Variants in DNAH6 observed in about 807,000 individuals in gnomAD.
DNAH6 encodes axonemal beta dynein heavy chain 6.
Under a neutral mutation model 491.4 loss-of-function variants are expected in DNAH6, and 340 were observed. The ratio of observed to expected loss-of-function variants is 0.69; its 90% confidence interval spans 0.63 to 0.76. The LOEUF (loss-of-function observed/expected upper bound fraction) is 0.76. Among genes scored for constraint, DNAH6 ranks in the 30% least tolerant of loss-of-function variants. The pLI is 0.00. For synonymous variants in DNAH6, 1,603 were observed against 1,686.1 expected (o/e 0.95, Z 1.21); for missense variants, 4,443 against 4,972.2 (o/e 0.89, Z 3.20).
At chr2:84,683,415 T>A (rs1233461657) in intron 42 of DNAH6, among the ~76,000 whole-genome samples, 1 of 10,766 alleles carries the variant, frequency 9.3e-5, no homozygotes, top group African/African-American at 2.0e-4. Flanking sequence ...CACTCTTATT[T>A]TTTTTTTTTT....
Position 84,654,703 on chromosome 2 carries a change from G to C in DNAH6, c.5678G>C (p.Cys1893Ser). 6.4e-7 allele frequency: 1 copy of C among 1,551,238 alleles called. No individual in the cohort carries two copies. The highest frequency in any genetic ancestry group is 8.7e-7 in the Non-Finnish European group (1 of 1,146,446). Reference protein sequence around the residue: ...RVASPATVSRCGMVFVDPEEL... With the variant: ...RVASPATVSRSGMVFVDPEEL... ...GCCTCCCCTGCAACAGTCAGTCGAT[G>C]TGGAATGGTGTTTGTGGATCCTGAA... Residue 1893 changes from cysteine to serine, a missense_variant, in exon 35 of 77, where the codon TGT becomes TCT. This residue lies in a region of DNAH6 where 2,977 missense variants were observed against 3,296.6 expected (regional missense o/e 0.90). Transcript: ENST00000389394.
chr2:84,789,187 G>A (rs1300452711), intron 68 of DNAH6, among the ~76,000 whole-genome samples: 2 of 152,158 alleles, frequency 1.3e-5, no homozygotes, highest in Non-Finnish European at 2.9e-5. Flanking sequence ...CACAGCAGCA[G>A]GCCATCCACA....
intron 64 of DNAH6, among the ~76,000 whole-genome samples, chr2:84,767,520 T>C (rs1675198217): frequency 6.6e-6 from 1 of 151,382 alleles, no homozygotes; most frequent in South Asian, 2.1e-4. Flanking sequence ...AGTGAGATCC[T>C]GTGTCAAAAA....
At chr2:84,544,596 A>G in intron 5 of DNAH6, 96 bp downstream of exon 5, 1 of 708,298 alleles carries the variant, frequency 1.4e-6, no homozygotes, top group Admixed American at 3.0e-5. Context: ...TTGAAATCAA[A>G]TATTTTATAT....
chr2:84,721,728 A>G (rs1245030089), intron 59 of DNAH6, among the ~76,000 whole-genome samples: 1 of 152,212 alleles, frequency 6.6e-6, no homozygotes, highest in East Asian at 1.9e-4. Flanking sequence ...GGCTCACATT[A>G]TATTTCCATT....
At chr2:84,571,155 G>A (rs966277548) in intron 11 of DNAH6, among the ~76,000 whole-genome samples, 1 of 152,234 alleles carries the variant, frequency 6.6e-6, no homozygotes, top group African/African-American at 2.4e-5. Context: ...TTGAATGAGT[G>A]AGAAGAGAAA....
At chr2:84,763,236 A>G (rs551798061) in intron 64 of DNAH6, among the ~76,000 whole-genome samples, 2 of 152,346 alleles carry the variant, frequency 1.3e-5, no homozygotes, top group South Asian at 2.1e-4. Flanking sequence ...GGATTTTAAC[A>G]TAACCAAAAA....
intron 15 of DNAH6, among the ~76,000 whole-genome samples, chr2:84,586,779 G>A (rs1433750780): frequency 6.6e-6 from 1 of 152,196 alleles, no homozygotes; most frequent in African/African-American, 2.4e-5. Context: ...CTGGATTCAA[G>A]CGTAAGCAGT....
At chr2:84,689,024 T>G (rs985822690) in intron 45 of DNAH6, among the ~76,000 whole-genome samples, 5 of 152,234 alleles carry the variant, frequency 3.3e-5, no homozygotes, top group Non-Finnish European at 7.3e-5. Flanking sequence ...AAGTGTCCTA[T>G]GAGGGACAAC....
intron 2 of DNAH6, among the ~76,000 whole-genome samples, chr2:84,524,232 T>C (rs1286556915): frequency 2.6e-5 from 4 of 151,860 alleles, no homozygotes. Flanking sequence ...TAATTTTTGC[T>C]GGTTTAAAGT....
intron 70 of DNAH6, among the ~76,000 whole-genome samples, chr2:84,801,628 A>G (rs1255738221): frequency 1.3e-5 from 2 of 152,206 alleles, no homozygotes; most frequent in East Asian, 3.8e-4. Context: ...TCATGCCTGT[A>G]ATCCTAACAC....
the DNAH6 span, among the ~76,000 whole-genome samples, chr2:84,463,700 AG>A: frequency 6.6e-6 from 1 of 152,218 alleles, no homozygotes; most frequent in African/African-American, 2.4e-5. Flanking sequence ...GCTGGTGTGT[AG>A]AGTAGCAGCT....
chr2:84,540,218 T>C (rs1678112253), intron 4 of DNAH6, among the ~76,000 whole-genome samples: 2 of 152,100 alleles, frequency 1.3e-5, no homozygotes, highest in African/African-American at 4.8e-5. Flanking sequence ...AAGCATGGCC[T>C]AAAATGAATA....
At position 84,797,549 on chromosome 2, in the gene DNAH6, C is replaced by T. The variant is rs1433501459; in HGVS notation, c.11372C>T (p.Ala3791Val). 6.4e-7 allele frequency: 1 copy of T among 1,551,476 alleles called. No individual in the cohort carries two copies. The highest frequency in any genetic ancestry group is 8.7e-7 in the Non-Finnish European group (1 of 1,146,822). Residue 3791 changes from alanine (A) to valine (V), a missense_variant, in exon 70 of 77, where the codon GCA becomes GTA. Physicochemically the swap from Ala to Val is moderately conservative, Grantham distance 64. Around this residue, in one of 3 missense-constraint regions of DNAH6, gnomAD observed 1,463 missense variants for 1,656.6 expected, o/e 0.88. Coordinates refer to ENST00000389394, the MANE Select transcript of DNAH6 (RefSeq NM_001370.2). ...YKYSESGIYF[A>V]PMADSLQEFK... is the part of the protein sequence containing the mutation. ...TTTTTAATAACAGGCATCTATTTTGCACCCATGGCTGACAGCCTACAAGAG... is the reference window on the plus strand; with the variant it reads ...TTTTTAATAACAGGCATCTATTTTGTACCCATGGCTGACAGCCTACAAGAG...
At chr2:84,774,331 C>T (rs1675918895) in intron 64 of DNAH6, among the ~76,000 whole-genome samples, 1 of 151,988 alleles carries the variant, frequency 6.6e-6, no homozygotes, top group African/African-American at 2.4e-5. Context: ...ATCTTTTCCC[C>T]ATTGTTTATT....
At chr2:84,551,398 G>A (rs75920354) in intron 9 of DNAH6, among the ~76,000 whole-genome samples, 1 of 152,088 alleles carries the variant, frequency 6.6e-6, no homozygotes, top group Non-Finnish European at 1.5e-5. Flanking sequence ...CTTCAAAGGG[G>A]AAAAAAGATA....
chr2:84,477,012 G>A, the DNAH6 span, among the ~76,000 whole-genome samples: 56 of 152,130 alleles, frequency 3.7e-4, no homozygotes, highest in African/African-American at 1.3e-3. Flanking sequence ...GGTCTTTGTC[G>A]CCCCACGTTG....
chr2:84,585,818 A>G (rs1325085486), intron 15 of DNAH6, among the ~76,000 whole-genome samples: 1 of 152,106 alleles, frequency 6.6e-6, no homozygotes, highest in Middle Eastern at 3.2e-3. Flanking sequence ...CAGGGCTTTT[A>G]TGGACCTCAG....
At chr2:84,806,711 C>G (rs1192367) in intron 71 of DNAH6, among the ~76,000 whole-genome samples, 21,269 of 149,412 alleles carry the variant, frequency 0.14, 1,528 homozygotes, top group African/African-American at 0.17. Flanking sequence ...ATTTAGATGT[C>G]TTCATTATTC....
Sources: allele counts gnomAD v4.1 joint callset (sites outside exome capture counted in the v4.1 genomes callset), GRCh38; gene constraint gnomAD v4.1.1; regional missense constraint gnomAD v4.1.1; transcripts MANE v1.5; gene names NCBI Gene and HGNC (gene_info 2026-07-23, HGNC 2026-07-21).